The following CACNA2D1 variants were observed in gnomAD, a reference collection of about 807,000 sequenced individuals.
The protein encoded by CACNA2D1 is voltage-dependent calcium channel subunit alpha-2/delta-1.
A neutral mutation model predicts 171.5 loss-of-function variants in CACNA2D1; 53 were observed. That is an observed-to-expected ratio of 0.31 (90% CI 0.25 to 0.39). The LOEUF (loss-of-function observed/expected upper bound fraction) is 0.39. Among genes scored for constraint, CACNA2D1 ranks in the 10% least tolerant of loss-of-function variants. The pLI is 1.00. For missense variants in CACNA2D1, 903 were observed against 1,299.8 expected (o/e 0.69, Z 4.69); for synonymous variants, 442 against 443.1 (o/e 1.00, Z 0.03).
intron 4 of CACNA2D1, among the ~76,000 whole-genome samples, chr7:82,140,321 C>T (rs1022042892): frequency 6.6e-6 from 1 of 152,158 alleles, no homozygotes; most frequent in African/African-American, 2.4e-5. Context: ...TTCTTCTTCA[C>T]CAATAAATGG....
chr7:82,226,066 A>G (rs1194645977), intron 3 of CACNA2D1, among the ~76,000 whole-genome samples: 2 of 152,216 alleles, frequency 1.3e-5, no homozygotes, highest in African/African-American at 4.8e-5. Flanking sequence ...AATCATTTAA[A>G]ACAAATGTCC....
chr7:82,227,465 A>G (rs557513005), intron 3 of CACNA2D1, among the ~76,000 whole-genome samples: 3 of 152,374 alleles, frequency 2.0e-5, no homozygotes, highest in Admixed American at 2.0e-4. Flanking sequence ...ATTAGTGATT[A>G]GTTTAGGAAG....
At chr7:82,388,126 C>G (rs1824640976) in intron 1 of CACNA2D1, among the ~76,000 whole-genome samples, 1 of 151,348 alleles carries the variant, frequency 6.6e-6, no homozygotes, top group South Asian at 2.1e-4. Context: ...CTGACCTAAT[C>G]TCTTCAACTC....
intron 1 of CACNA2D1, among the ~76,000 whole-genome samples, chr7:82,438,347 T>C (rs888122918): frequency 6.6e-6 from 1 of 152,186 alleles, no homozygotes; most frequent in Non-Finnish European, 1.5e-5. Flanking sequence ...TATTTGCATA[T>C]ACATAAAATA....
intron 3 of CACNA2D1, among the ~76,000 whole-genome samples, chr7:82,260,396 G>A (rs957827552): frequency 2.6e-5 from 4 of 152,080 alleles, no homozygotes; most frequent in African/African-American, 4.8e-5. Context: ...GAAATACCAA[G>A]TAGGCAAAAA....
chr7:81,988,870 G>A (rs533587039), intron 21 of CACNA2D1, among the ~76,000 whole-genome samples: 1 of 152,302 alleles, frequency 6.6e-6, no homozygotes, highest in African/African-American at 2.4e-5. Flanking sequence ...TGAGAGAACA[G>A]ATGATAATCA....
chr7:82,196,752 G>T (rs1798892707), intron 3 of CACNA2D1, among the ~76,000 whole-genome samples: 2 of 151,474 alleles, frequency 1.3e-5, no homozygotes, highest in African/African-American at 4.8e-5. Context: ...AAGAGAGATA[G>T]ATAAAGACGA....
chr7:82,206,940 GACAA>G (rs1380166656), intron 3 of CACNA2D1, among the ~76,000 whole-genome samples: 1 of 151,926 alleles, frequency 6.6e-6, no homozygotes, highest in Non-Finnish European at 1.5e-5. Flanking sequence ...CATTTATAAA[GACAA>G]ACAAAAACAA....
Position 82,363,254 on chromosome 7 carries a change from CTTTTTTTTTTTTT to C in CACNA2D1, c.96-13618_96-13606del, listed in dbSNP as rs35419275. Among the ~76,000 whole-genome samples the C allele has an allele frequency of 8.4e-4, 53 of 63,434 alleles. 2 individuals are homozygous for C. The highest frequency in any genetic ancestry group is 3.8e-3 in the South Asian group (5 of 1,310). The allele number at this position is 63,434 out of a possible 152,430, so 41.6% of individuals were successfully genotyped here. Reference sequence around the variant, plus strand: ...CTACCATAGTTTTATTTATTTGTCTCTTTTTTTTTTTTTTTTTTTTTTTTTTTTTGAGACGGAG... The same window carrying C: ...CTACCATAGTTTTATTTATTTGTCTCTTTTTTTTTTTTTTTTGAGACGGAG... On this transcript the variant is annotated intron_variant, in intron 1 of 38. Coordinates refer to ENST00000356860, the MANE Select transcript of CACNA2D1 (RefSeq NM_000722.4).
At chr7:82,412,758 A>C (rs1318495007) in intron 1 of CACNA2D1, among the ~76,000 whole-genome samples, 1 of 151,874 alleles carries the variant, frequency 6.6e-6, no homozygotes, top group Non-Finnish European at 1.5e-5. Flanking sequence ...TTCTTGGTCT[A>C]AGTGGTGAAA....
At chr7:82,335,302 T>G in intron 2 of CACNA2D1, 51 bp from the exon 3 acceptor site, 1 of 1,042,478 alleles carries the variant, frequency 9.6e-7, no homozygotes. Context: ...CTTATTTGGC[T>G]TACAAGTTCC....
chr7:82,149,498 C>T (rs962976382), intron 4 of CACNA2D1, among the ~76,000 whole-genome samples: 1 of 152,112 alleles, frequency 6.6e-6, no homozygotes, highest in Non-Finnish European at 1.5e-5. Context: ...TCACTCAAAA[C>T]GGTCACATCC....
At chr7:82,279,600 G>A (rs1396327286) in intron 3 of CACNA2D1, among the ~76,000 whole-genome samples, 2 of 152,096 alleles carry the variant, frequency 1.3e-5, no homozygotes, top group Admixed American at 1.3e-4. Flanking sequence ...ATCTGTATAG[G>A]ACTAAAACTA....
At chr7:82,348,593 T>G (rs1475126757) in intron 2 of CACNA2D1, among the ~76,000 whole-genome samples, 1 of 152,154 alleles carries the variant, frequency 6.6e-6, no homozygotes, top group Non-Finnish European at 1.5e-5. Flanking sequence ...CTCTCTACAG[T>G]TGTTTTATAA....
intron 3 of CACNA2D1, among the ~76,000 whole-genome samples, chr7:82,270,703 C>G (rs1290775273): frequency 6.6e-6 from 1 of 152,010 alleles, no homozygotes; most frequent in Non-Finnish European, 1.5e-5. Context: ...CATATGCTAG[C>G]TCCTCTCTTC....
intron 3 of CACNA2D1, among the ~76,000 whole-genome samples, chr7:82,203,313 C>T (rs1370346307): frequency 6.6e-6 from 1 of 152,178 alleles, no homozygotes; most frequent in Non-Finnish European, 1.5e-5. Flanking sequence ...TGATGGACCG[C>T]TTGACAGTAC....
rs151175680 is a variant in CACNA2D1 at position 82,099,732 on chromosome 7, A to AG, written c.527-14833dup. On this transcript the variant is annotated intron_variant, in intron 6 of 38. Transcript: ENST00000356860. ...CCAAAGTGCTGGGATTACAGGCGTGAGCCACCGCGCCCGGCCGCAATACCT... is the reference window on the plus strand; with the variant it reads ...CCAAAGTGCTGGGATTACAGGCGTGAGGCCACCGCGCCCGGCCGCAATACCT... Among the ~76,000 whole-genome samples the AG allele has an allele frequency of 9.4e-3, 1,423 of 151,212 alleles. 322 individuals are homozygous for AG. The highest frequency in any genetic ancestry group is 0.033 in the African/African-American group (1,354 of 41,118).
At chr7:82,202,552 C>G (rs1476546786) in intron 3 of CACNA2D1, among the ~76,000 whole-genome samples, 3 of 152,144 alleles carry the variant, frequency 2.0e-5, no homozygotes, top group African/African-American at 7.2e-5. Context: ...AAGTACAGAG[C>G]ACCAAGAAGG....
chr7:82,280,711 T>A (rs1370955936), intron 3 of CACNA2D1, among the ~76,000 whole-genome samples: 1 of 152,166 alleles, frequency 6.6e-6, no homozygotes, highest in Non-Finnish European at 1.5e-5. Context: ...AGACAGAGTT[T>A]TGCTTTGATG....
Sources: allele counts gnomAD v4.1 joint callset (sites outside exome capture counted in the v4.1 genomes callset), GRCh38; gene constraint gnomAD v4.1.1; transcripts MANE v1.5; gene names NCBI Gene and HGNC (gene_info 2026-07-23, HGNC 2026-07-21).